Variants in PCBP1 observed in about 807,000 individuals in gnomAD.
PCBP1 encodes the protein poly(rC) binding protein 1, also known as poly(rC)-binding protein 1.
For missense variants in PCBP1, 244 were observed against 474.4 expected, an observed-to-expected ratio of 0.51 and a Z score of 4.51; for synonymous variants, 284 against 195.8, an observed-to-expected ratio of 1.45 and a Z score of -3.76.
In PCBP1 at chr2:70,087,665, C is replaced by A; in HGVS notation, c.-79C>A. On this transcript the variant is annotated 5_prime_UTR_variant, in exon 1 of 1. Transcript: ENST00000303577. ...TCGCGCCGGCAGTTTTGGGCCTACA[C>A]CTCCCCTCCCCCCGCCAGCCGCCAA... The A allele has an allele frequency of 2.0e-6, 2 of 1,005,930 alleles. No individual in the cohort carries two copies. Among genetic ancestry groups the A allele is most frequent in the Non-Finnish European group, 2.9e-6 (2 of 679,436 alleles). 62.3% of individuals were successfully genotyped at this position (1,005,930 alleles called of 1,614,324 possible).
At position 70,089,016 on chromosome 2, in the gene PCBP1, C is replaced by A. The variant is rs1438660637; in HGVS notation, c.*202C>A. Reference sequence around the variant, plus strand: ...TCCATATTTAGTTTTATAAGCTTTTCCCTGTTTTTAGTTTTGTTTTGGGTT... The same window carrying A: ...TCCATATTTAGTTTTATAAGCTTTTACCTGTTTTTAGTTTTGTTTTGGGTT... On this transcript the variant is annotated 3_prime_UTR_variant, in exon 1 of 1. Transcript: ENST00000303577. The A allele has an allele frequency of 4.2e-6, 2 of 479,718 alleles. No homozygotes were observed. The highest frequency in any genetic ancestry group is 7.5e-6 in the Non-Finnish European group (2 of 266,570). The allele number at this position is 479,718 out of a possible 1,614,324, so 29.7% of individuals were successfully genotyped here.
At position 70,088,304 on chromosome 2, in the gene PCBP1, G is replaced by A. The variant is rs766577510; in HGVS notation, c.561G>A (p.Pro187=). ...RVMTIPYQPM[P]ASSPVICAGG... ...TGACCATTCCGTACCAGCCCATGCC[G>A]GCCAGCTCCCCAGTCATCTGCGCGG... is the stretch of plus-strand genomic sequence containing the variant. Residue 187 remains proline (P), a synonymous_variant, in exon 1 of 1, where the codon CCG becomes CCA. Coordinates refer to ENST00000303577, the MANE Select transcript of PCBP1 (RefSeq NM_006196.4). This position sits in a 1 kb window ranked among gnomAD's most constrained non-coding sequence, Gnocchi z 4.5. 6.8e-6 allele frequency: 11 copies of A among 1,613,754 alleles called. No individual in the cohort carries two copies. Among genetic ancestry groups the A allele is most frequent in the African/African-American group, 1.3e-5 (1 of 75,050 alleles).
chr2:70,087,764 A>G lies in PCBP1; in HGVS notation c.21A>G (p.Glu7=). 6.4e-7 allele frequency: 1 copy of G among 1,555,498 alleles called. No homozygotes were observed. Among genetic ancestry groups the G allele is most frequent in the South Asian group, 1.2e-5 (1 of 83,104 alleles). The part of the protein sequence containing the change: MDAGVT[E]SGLNVTLTIR... ...TCGCCATGGATGCCGGTGTGACTGA[A>G]AGTGGACTAAATGTGACTCTCACCA... The change falls in exon 1 of 1, where the codon GAA becomes GAG. Residue 7 remains glutamate (E), a synonymous_variant. Transcript: ENST00000303577.
chr2:70,088,232 C>T lies in PCBP1; in HGVS notation c.489C>T (p.Cys163=), dbSNP rs774370421. Residue 163 remains cysteine (C), a synonymous_variant, in exon 1 of 1, where the codon TGC becomes TGT. Transcript: ENST00000303577. This position sits in a 1 kb window ranked among gnomAD's most constrained non-coding sequence, Gnocchi z 4.5. ...QSVTECVKQI[C]LVMLETLSQS... is the part of the protein sequence containing the mutation. ...TCACCGAGTGTGTCAAGCAGATTTG[C>T]CTGGTCATGCTGGAGACGCTCTCCC... 7 of 1,613,904 alleles carry T rather than the reference C, an allele frequency of 4.3e-6. No homozygotes were observed. Among genetic ancestry groups the T allele is most frequent in the Non-Finnish European group, 5.9e-6 (7 of 1,180,020 alleles).
Position 70,089,097 on chromosome 2 carries a change from T to G in PCBP1, c.*283T>G. The stretch of plus-strand genomic sequence containing the variant: ...CGATAAGAAATGTAAGAGTGGAATG[T>G]TAATAAATTTCAGTTTAGTTCTGTA... On this transcript the variant is annotated 3_prime_UTR_variant, in exon 1 of 1. Coordinates refer to ENST00000303577, the MANE Select transcript of PCBP1 (RefSeq NM_006196.4). 1 of 358,138 alleles carries G rather than the reference T, an allele frequency of 2.8e-6. No homozygotes were observed. Among genetic ancestry groups the G allele is most frequent in the African/African-American group, 2.1e-5 (1 of 47,402 alleles). The allele number at this position is 358,138 out of a possible 1,614,324, so 22.2% of individuals were successfully genotyped here.
rs1671377573 is a variant in PCBP1, at chr2:70,088,649, T to C, written c.906T>C (p.Ile302=). 6.2e-7 allele frequency: 1 copy of C among 1,614,228 alleles called. No individual in the cohort carries two copies. Residue 302 remains isoleucine, a synonymous_variant, in exon 1 of 1, where the codon ATT becomes ATC. Transcript: ENST00000303577. This position sits in a 1 kb window ranked among gnomAD's most constrained non-coding sequence, Gnocchi z 4.5. ...TAATCGGGCGCCAAGGCGCCAACAT[T>C]AATGAGATCCGCCAGATGTCCGGGG... ...GCIIGRQGAN[I]NEIRQMSGAQ...
Position 70,088,767 on chromosome 2 carries a change from C to T in PCBP1, c.1024C>T (p.Leu342=), listed in dbSNP as rs766432452. Residue 342 remains leucine (L), a synonymous_variant, in exon 1 of 1, where the codon CTA becomes TTA. Coordinates refer to ENST00000303577, the MANE Select transcript of PCBP1 (RefSeq NM_006196.4). The surrounding 1 kb of genome is among the most constrained non-coding windows in gnomAD (Gnocchi z 4.5). ...SAASISLAQY[L]INARLSSEKG... ...TGCCAGTATTAGTCTGGCCCAGTAT[C>T]TAATCAATGCCAGGCTTTCCTCTGA... The T allele has an allele frequency of 3.7e-6, 6 of 1,613,924 alleles. No homozygotes were observed. The highest frequency in any genetic ancestry group is 2.2e-5 in the East Asian group (1 of 44,898).
In PCBP1 at chr2:70,087,977, G is replaced by A. The variant is rs1393377279; in HGVS notation, c.234G>A (p.Lys78=). 1.2e-6 allele frequency: 2 copies of A among 1,613,942 alleles called. No homozygotes were observed. The highest frequency in any genetic ancestry group is 1.1e-5 in the South Asian group (1 of 91,080). The change falls in exon 1 of 1, where the codon AAG becomes AAA. Residue 78 remains lysine, a synonymous_variant. Transcript: ENST00000303577. Reference sequence around the variant, plus strand: ...AGGCTTTCGCTATGATCATCGACAAGCTGGAGGAAGATATCAACAGCTCCA... The same window carrying A: ...AGGCTTTCGCTATGATCATCGACAAACTGGAGGAAGATATCAACAGCTCCA... The part of the protein sequence containing the change: ...IFKAFAMIID[K]LEEDINSSMT...
Position 70,087,921 on chromosome 2 carries a change from A to G in PCBP1, c.178A>G (p.Thr60Ala). 2 of 1,611,346 alleles carry G rather than the reference A, an allele frequency of 1.2e-6. No homozygotes were observed. Among genetic ancestry groups the G allele is most frequent in the Non-Finnish European group, 1.7e-6 (2 of 1,178,164 alleles). The change falls in exon 1 of 1, where the codon ACT becomes GCT. Residue 60 changes from threonine (T) to alanine (A), a missense_variant. Transcript: ENST00000303577. ...SEGNCPERII[T>A]LTGPTNAIFK... is the part of the protein sequence containing the mutation. ...GGGGAATTGTCCGGAGAGAATCATC[A>G]CTCTGACCGGCCCCACCAATGCCAT...
Position 70,089,050 on chromosome 2 carries a change from C to T in PCBP1, c.*236C>T, listed in dbSNP as rs768946898. The T allele has an allele frequency of 6.9e-5, 30 of 433,270 alleles. No individual in the cohort carries two copies. Among genetic ancestry groups the T allele is most frequent in the Admixed American group, 1.6e-4 (4 of 25,452 alleles). The allele number at this position is 433,270 out of a possible 1,614,324, so 26.8% of individuals were successfully genotyped here. A position where few individuals can be genotyped will look rare whatever the true frequency, so the allele number is the denominator to read the frequency against. Reference sequence around the variant, plus strand: ...TAGTTTTGTTTTGGGTTTTTTGGCTCATGAATTTTATTTCTGTTTGTCGAT... The same window carrying T: ...TAGTTTTGTTTTGGGTTTTTTGGCTTATGAATTTTATTTCTGTTTGTCGAT... On this transcript the variant is annotated 3_prime_UTR_variant, in exon 1 of 1. Coordinates refer to ENST00000303577, the MANE Select transcript of PCBP1 (RefSeq NM_006196.4).
At position 70,087,666 on chromosome 2, in the gene PCBP1, C is replaced by G; in HGVS notation, c.-78C>G. 9.9e-7 allele frequency: 1 copy of G among 1,014,770 alleles called. No homozygotes were observed. 62.9% of individuals were successfully genotyped at this position (1,014,770 alleles called of 1,614,324 possible). A position where few individuals can be genotyped will look rare whatever the true frequency, so the allele number is the denominator to read the frequency against. On this transcript the variant is annotated 5_prime_UTR_variant, in exon 1 of 1. Transcript: ENST00000303577. ...CGCGCCGGCAGTTTTGGGCCTACAC[C>G]TCCCCTCCCCCCGCCAGCCGCCAAA...
rs1336351141 is a variant in PCBP1 at position 70,088,440 on chromosome 2, C to T, written c.697C>T (p.Leu233Phe). Residue 233 changes from leucine to phenylalanine, a missense_variant, in exon 1 of 1, where the codon CTC becomes TTC. Physicochemically the swap from Leu to Phe is conservative, Grantham distance 22 (BLOSUM62 0). Coordinates refer to ENST00000303577, the MANE Select transcript of PCBP1 (RefSeq NM_006196.4). The surrounding 1 kb of genome is among the most constrained non-coding windows in gnomAD (Gnocchi z 4.5). ...TCAAGGACAACACACCATTTCTCCG[C>T]TCGATCTGGCCAAGCTGAACCAGGT... ...SIQGQHTISPLDLAKLNQVAR... is the reference protein window; with the variant it reads ...SIQGQHTISPFDLAKLNQVAR... 3 of 1,614,226 alleles carry T rather than the reference C, an allele frequency of 1.9e-6. No individual in the cohort carries two copies. Among genetic ancestry groups the T allele is most frequent in the Non-Finnish European group, 2.5e-6 (3 of 1,180,042 alleles).
chr2:70,087,718 C>T lies in PCBP1; in HGVS notation c.-26C>T. 1 of 1,473,546 alleles carries T rather than the reference C, an allele frequency of 6.8e-7. No homozygotes were observed. Among genetic ancestry groups the T allele is most frequent in the East Asian group, 2.3e-5 (1 of 43,688 alleles). 91.3% of individuals were successfully genotyped at this position (1,473,546 alleles called of 1,614,324 possible). ...ACTTGACCACGTAACGAGCCCAACT[C>T]CCCCGAACGCCGCCCGCCGCTCGCC... On this transcript the variant is annotated 5_prime_UTR_variant, in exon 1 of 1. Transcript: ENST00000303577.
Position 70,089,047 on chromosome 2 carries a change from G to C in PCBP1, c.*233G>C, listed in dbSNP as rs1671387185. 2.3e-6 allele frequency: 1 copy of C among 436,254 alleles called. No homozygotes were observed. Among genetic ancestry groups the C allele is most frequent in the South Asian group, 6.3e-5 (1 of 15,820 alleles). The allele number at this position is 436,254 out of a possible 1,614,324, so 27.0% of individuals were successfully genotyped here. On this transcript the variant is annotated 3_prime_UTR_variant, in exon 1 of 1. Coordinates refer to ENST00000303577, the MANE Select transcript of PCBP1 (RefSeq NM_006196.4). ...TTTTAGTTTTGTTTTGGGTTTTTTG[G>C]CTCATGAATTTTATTTCTGTTTGTC...
Position 70,087,732 on chromosome 2 carries a change from C to CCGCCGCT in PCBP1, c.-7_-1dup. 10 of 1,523,694 alleles carry CCGCCGCT rather than the reference C, an allele frequency of 6.6e-6. No homozygotes were observed. Among genetic ancestry groups the CCGCCGCT allele is most frequent in the Non-Finnish European group, 8.0e-6 (9 of 1,129,410 alleles). 94.4% of individuals were successfully genotyped at this position (1,523,694 alleles called of 1,614,324 possible). On this transcript the variant is annotated 5_prime_UTR_variant, in exon 1 of 1. Transcript: ENST00000303577. ...CGAGCCCAACTCCCCCGAACGCCGC[C>CCGCCGCT]CGCCGCTCGCCATGGATGCCGGTGT...
Position 70,088,267 on chromosome 2 carries a change from A to G in PCBP1, c.524A>G (p.Gln175Arg), listed in dbSNP as rs766015430. The G allele has an allele frequency of 1.9e-6, 3 of 1,613,790 alleles. No individual in the cohort carries two copies. The Admixed American group carries it at 5.0e-5, about 27-fold the overall frequency. Reference sequence around the variant, plus strand: ...CTGGAGACGCTCTCCCAGTCTCCGCAAGGGAGAGTCATGACCATTCCGTAC... The same window carrying G: ...CTGGAGACGCTCTCCCAGTCTCCGCGAGGGAGAGTCATGACCATTCCGTAC... The part of the protein sequence containing the change: ...VMLETLSQSP[Q>R]GRVMTIPYQP... The change falls in exon 1 of 1, where the codon CAA becomes CGA. Residue 175 changes from glutamine to arginine, a missense_variant. Physicochemically the swap from Gln to Arg is conservative, Grantham distance 43. Transcript: ENST00000303577. The surrounding 1 kb of genome is among the most constrained non-coding windows in gnomAD (Gnocchi z 4.5).
rs1330846502 is a variant in PCBP1 at position 70,088,861 on chromosome 2, A to G, written c.*47A>G. The G allele has an allele frequency of 7.4e-7, 1 of 1,356,660 alleles. No individual in the cohort carries two copies. Among genetic ancestry groups the G allele is most frequent in the South Asian group, 1.3e-5 (1 of 75,552 alleles). 84.0% of individuals were successfully genotyped at this position (1,356,660 alleles called of 1,614,324 possible). On this transcript the variant is annotated 3_prime_UTR_variant, in exon 1 of 1. Coordinates refer to ENST00000303577, the MANE Select transcript of PCBP1 (RefSeq NM_006196.4). This position sits in a 1 kb window ranked among gnomAD's most constrained non-coding sequence, Gnocchi z 4.5. Reference sequence around the variant, plus strand: ...AACCCCTTTCTGCTGTTCTCCCATGATCCAACTGTGTAATTTCTGGTCAGT... The same window carrying G: ...AACCCCTTTCTGCTGTTCTCCCATGGTCCAACTGTGTAATTTCTGGTCAGT...
rs557655317 is a variant in PCBP1, at chr2:70,087,598, CCTCCCGCCCG to C, written c.-138_-129del. The stretch of plus-strand genomic sequence containing the variant: ...GCCCGCCCCTGCGACTACGCTGCGG[CCTCCCGCCCG>C]CTCCCGCTCGCTCCCGCGGCCCTCG... On this transcript the variant is annotated 5_prime_UTR_variant, in exon 1 of 1. Transcript: ENST00000303577. 3.6e-3 allele frequency: 1,329 copies of C among 370,324 alleles called. 5 individuals carry two copies. The highest frequency in any genetic ancestry group is 5.5e-3 in the Non-Finnish European group (1,172 of 213,498). 22.9% of individuals were successfully genotyped at this position (370,324 alleles called of 1,614,324 possible).
rs1420676849 is a variant in PCBP1, at chr2:70,088,978, G to A, written c.*164G>A. ...TAAAAATCACATTCTCTGTTCAGCT[G>A]TTAATGCTGGGATCCATATTTAGTT... On this transcript the variant is annotated 3_prime_UTR_variant, in exon 1 of 1. Transcript: ENST00000303577. The surrounding 1 kb of genome is among the most constrained non-coding windows in gnomAD (Gnocchi z 4.5). 3.5e-6 allele frequency: 2 copies of A among 578,026 alleles called. No individual in the cohort carries two copies. The highest frequency in any genetic ancestry group is 3.4e-5 in the Admixed American group (1 of 29,562). 35.8% of individuals were successfully genotyped at this position (578,026 alleles called of 1,614,324 possible).
Sources: gnomAD v4.1 joint callset for allele counts on GRCh38, gnomAD v4.1.1 for gene constraint, Gnocchi (gnomAD v3.1) non-coding constraint, MANE v1.5 for transcripts, NCBI Gene and HGNC (gene_info 2026-07-23, HGNC 2026-07-21) for gene names.